The following IL1RAPL2 variants were observed in gnomAD, a reference collection of about 807,000 sequenced individuals.
The protein encoded by IL1RAPL2 is X-linked interleukin-1 receptor accessory protein-like 2.
IL1RAPL2 carries 3 observed loss-of-function variants against 44.1 expected under a neutral mutation model. The ratio of observed to expected loss-of-function variants is 0.07; its 90% CI spans 0.03 to 0.18. The LOEUF (loss-of-function observed/expected upper bound fraction) is 0.18. Ranked by LOEUF, IL1RAPL2 falls within the 10% of genes least tolerant of loss-of-function variation. The pLI is 1.00. For missense variants in IL1RAPL2, 391 were observed against 496.4 expected, an observed-to-expected ratio of 0.79 and a Z score of 2.02; for synonymous variants, 181 against 178.8, an observed-to-expected ratio of 1.01 and a Z score of -0.10.
chrX:105,046,941 C>A (rs1386147699), intron 2 of IL1RAPL2, among the ~76,000 whole-genome samples: 1 of 108,100 alleles, frequency 9.3e-6, no homozygotes, highest in East Asian at 2.9e-4. Context: ...CAGATAGAAC[C>A]TTTCACATGA....
At chrX:104,839,257 C>T (rs1194644427) in intron 2 of IL1RAPL2, among the ~76,000 whole-genome samples, 1 of 111,129 alleles carries the variant, frequency 9.0e-6, no homozygotes, top group African/African-American at 3.3e-5. Flanking sequence ...TCCATCAATA[C>T]CTAGTTTATT....
chrX:105,703,515 C>T (rs997512631), intron 6 of IL1RAPL2, among the ~76,000 whole-genome samples: 6 of 111,412 alleles, frequency 5.4e-5, no homozygotes, highest in Non-Finnish European at 5.7e-5. Flanking sequence ...CAGATAGCTG[C>T]TATATTGGAA....
chrX:104,999,156 A>G (rs941879883), intron 2 of IL1RAPL2, among the ~76,000 whole-genome samples: 27 of 111,862 alleles, frequency 2.4e-4, no homozygotes, highest in African/African-American at 8.8e-4. Context: ...TGATTACCCA[A>G]GAGAGAAGGG....
chrX:105,727,088 G>A (rs2038358626), intron 7 of IL1RAPL2, among the ~76,000 whole-genome samples: 1 of 110,602 alleles, frequency 9.0e-6, no homozygotes, highest in South Asian at 3.8e-4. Context: ...CATCATTCCT[G>A]GACAATGATT....
intron 1 of IL1RAPL2, among the ~76,000 whole-genome samples, chrX:104,650,397 C>T (rs1040966788): frequency 9.0e-6 from 1 of 110,802 alleles, no homozygotes; most frequent in Non-Finnish European, 1.9e-5. Context: ...AGGAGTAACT[C>T]GAGCTGCTTC....
In IL1RAPL2 at chrX:104,685,441, GA is replaced by G. The variant is rs764770653; in HGVS notation, c.82+26447del. On this transcript the variant is annotated intron_variant, in intron 2 of 10. Coordinates refer to ENST00000372582, the MANE Select transcript of IL1RAPL2 (RefSeq NM_017416.2). ...TTAGATAACTAAGAAAGAGGTAATT[GA>G]GGGGGCCTTGCTCTGGAGCTGTACC... Among the ~76,000 whole-genome samples, 8 of 111,796 alleles carry G rather than the reference GA, an allele frequency of 7.2e-5. No homozygotes were observed. The East Asian group carries it at 2.3e-3, about 32-fold the overall frequency.
At chrX:104,997,175 G>A (rs1233136732) in intron 2 of IL1RAPL2, among the ~76,000 whole-genome samples, 3 of 111,728 alleles carry the variant, frequency 2.7e-5, no homozygotes, top group Admixed American at 9.5e-5. Flanking sequence ...TGGACATTGA[G>A]CATTTAATAT....
chrX:104,606,301 G>T (rs1452406108), intron 1 of IL1RAPL2, among the ~76,000 whole-genome samples: 1 of 111,542 alleles, frequency 9.0e-6, no homozygotes, highest in Non-Finnish European at 1.9e-5. Context: ...AATAAATGAG[G>T]TATCAGTGGA....
At chrX:105,227,422 A>G (rs781940525) in intron 3 of IL1RAPL2, among the ~76,000 whole-genome samples, 1 of 112,064 alleles carries the variant, frequency 8.9e-6, no homozygotes, top group South Asian at 3.7e-4. Flanking sequence ...CAATAAAACA[A>G]AAATCCCGGA....
At chrX:104,717,941 T>C (rs907304639) in intron 2 of IL1RAPL2, among the ~76,000 whole-genome samples, 1 of 110,708 alleles carries the variant, frequency 9.0e-6, no homozygotes, top group African/African-American at 3.3e-5. Context: ...GAACTCATCA[T>C]TGTTATGGCT....
At chrX:104,811,445 T>A (rs182708186) in intron 2 of IL1RAPL2, among the ~76,000 whole-genome samples, 1 of 111,213 alleles carries the variant, frequency 9.0e-6, no homozygotes, top group East Asian at 2.9e-4. Flanking sequence ...ATGTTTGCTA[T>A]TGAATGGAAG....
intron 6 of IL1RAPL2, among the ~76,000 whole-genome samples, chrX:105,609,201 G>A (rs977836549): frequency 1.8e-5 from 2 of 111,859 alleles, no homozygotes; most frequent in African/African-American, 6.5e-5. Flanking sequence ...ATTGTAGGGA[G>A]CAAATAGCTT....
chrX:105,693,790 A>T (rs1188949105), intron 6 of IL1RAPL2, among the ~76,000 whole-genome samples: 1 of 111,197 alleles, frequency 9.0e-6, no homozygotes, highest in Non-Finnish European at 1.9e-5. Flanking sequence ...AAAGAGTTGG[A>T]GAGAGATTTA....
intron 1 of IL1RAPL2, among the ~76,000 whole-genome samples, chrX:104,640,312 C>T (rs1445729667): frequency 9.0e-6 from 1 of 111,391 alleles, no homozygotes; most frequent in Non-Finnish European, 1.9e-5. Context: ...GTGTTGAATT[C>T]TTCAGTTCCA....
intron 2 of IL1RAPL2, among the ~76,000 whole-genome samples, chrX:105,118,325 CAA>C (rs2032883423): frequency 8.9e-6 from 1 of 112,342 alleles, no homozygotes; most frequent in African/African-American, 3.2e-5. Context: ...GGAAATAATG[CAA>C]AGAGCTTCTG....
chrX:105,745,073 G>A (rs994947685), intron 8 of IL1RAPL2, among the ~76,000 whole-genome samples: 7 of 111,147 alleles, frequency 6.3e-5, no homozygotes, highest in South Asian at 3.8e-4. Context: ...CCTAGAGGCC[G>A]GGATGTCCAA....
intron 2 of IL1RAPL2, among the ~76,000 whole-genome samples, chrX:104,912,325 C>T (rs1450969213): frequency 2.7e-5 from 3 of 110,501 alleles, no homozygotes. Flanking sequence ...ATCAAGATTA[C>T]TTGCCCACCT....
intron 1 of IL1RAPL2, among the ~76,000 whole-genome samples, chrX:104,643,735 C>A (rs778550202): frequency 2.7e-5 from 3 of 110,851 alleles, no homozygotes; most frequent in Admixed American, 9.6e-5. Flanking sequence ...CTAAGTGTAA[C>A]TTCAGAGTAT....
chrX:104,903,376 T>A (rs779642048), intron 2 of IL1RAPL2, among the ~76,000 whole-genome samples: 1 of 111,184 alleles, frequency 9.0e-6, no homozygotes, highest in Admixed American at 9.6e-5. Flanking sequence ...AAAAACTTTC[T>A]AAGGAGAATC....
Sources: gnomAD v4.1 joint callset for allele counts (sites outside exome capture counted in the v4.1 genomes callset) on GRCh38, gnomAD v4.1.1 for gene constraint, MANE v1.5 for transcripts, NCBI Gene and HGNC (gene_info 2026-07-23, HGNC 2026-07-21) for gene names.